LILRA1: variants seen among roughly 807,000 people sequenced by gnomAD.
LILRA1 encodes leukocyte immunoglobulin like receptor A1.
Under a neutral mutation model 51.6 loss-of-function variants are expected in LILRA1, and 51 were observed. The ratio of observed to expected loss-of-function variants is 0.99; its 90% CI spans 0.79 to 1.25. LILRA1 has a LOEUF of 1.25. Among genes scored for constraint, LILRA1 ranks in the 50% most tolerant of loss-of-function variants. The probability of loss-of-function intolerance (pLI) is 0.00; values close to 1 mark genes in which losing one functional copy is unlikely to be tolerated. For synonymous variants in LILRA1, 305 were observed against 248.4 expected, an observed-to-expected ratio of 1.23 and a Z score of -2.14; for missense variants, 660 against 611.7, an observed-to-expected ratio of 1.08 and a Z score of -0.83.
At position 54,595,119 on chromosome 19, in the gene LILRA1, C is replaced by T. The variant is rs559793347; in HGVS notation, c.378C>T (p.Thr126=). Reference sequence around the variant, plus strand: ...TCCTAGGAGCCTACATCAAACCCACCCTCTCAGCTCTACCCAGCCCTGTGG... The same window carrying T: ...TCCTAGGAGCCTACATCAAACCCACTCTCTCAGCTCTACCCAGCCCTGTGG... The part of the protein sequence containing the change: ...LVVTGAYIKP[T]LSALPSPVVT... The change falls in exon 5 of 10, where the codon ACC becomes ACT. Residue 126 remains threonine (T), a synonymous_variant. Transcript: ENST00000251372. The T allele has an allele frequency of 3.4e-5, 55 of 1,613,772 alleles. No homozygotes were observed. The South Asian group carries it at 5.7e-4, about 17-fold the overall frequency.
rs1196132514 is a variant in LILRA1 at position 54,594,849 on chromosome 19, C to A, written c.255C>A (p.Ile85=). 3 of 1,614,156 alleles carry A rather than the reference C, an allele frequency of 1.9e-6. No individual in the cohort carries two copies. Among genetic ancestry groups the A allele is most frequent in the African/African-American group, 2.7e-5 (2 of 75,036 alleles). The change falls in exon 4 of 10, where the codon ATC becomes ATA. Residue 85 remains isoleucine (I), a synonymous_variant. Transcript: ENST00000251372. The part of the protein sequence containing the change: ...QEIVKKGQFP[I]PSITWEHTGR... ...TTGTGAAGAAGGGCCAGTTCCCCAT[C>A]CCATCCATCACCTGGGAACACACAG... is the stretch of plus-strand genomic sequence containing the variant.
chr19:54,596,798 C>T lies in LILRA1; in HGVS notation c.1261+307C>T, dbSNP rs149349172. On this transcript the variant is annotated intron_variant, in intron 7 of 9. Coordinates refer to ENST00000251372, the MANE Select transcript of LILRA1 (RefSeq NM_006863.4). ...AGGAGAATGGCATGAACCTGGGAGG[C>T]GGAGCTTGCCGTGAGCTGATGTCAT... is the stretch of plus-strand genomic sequence containing the variant. 2.3e-3 allele frequency among the ~76,000 whole-genome samples: 354 copies of T among 151,902 alleles called. 6 individuals are homozygous for T. The highest frequency in any genetic ancestry group is 0.017 in the Middle Eastern group (5 of 294).
Position 54,595,693 on chromosome 19 carries a change from G to A in LILRA1, c.716G>A (p.Gly239Glu), listed in dbSNP as rs756844446. ...SVQPGPIVAP[G>E]ESLTLQCVSD... ...CAGCCAGGTCCTATAGTGGCCCCTG[G>A]GGAGAGCCTGACCCTCCAGTGTGTT... The change falls in exon 6 of 10, where the codon GGG (glycine) becomes GAG (glutamate). Residue 239 changes from glycine (G) to glutamate (E), a missense_variant. By Grantham distance (98) the Gly-to-Glu change is moderately conservative (BLOSUM62 -2). Transcript: ENST00000251372. 4 of 1,613,912 alleles carry A rather than the reference G, an allele frequency of 2.5e-6. No individual in the cohort carries two copies. The African/African-American group carries it at 4.0e-5, about 16-fold the overall frequency.
chr19:54,595,873 G>C lies in LILRA1; in HGVS notation c.896G>C (p.Gly299Ala). The stretch of plus-strand genomic sequence containing the variant: ...TACGGGGGCCAGTACAGATGCTCCG[G>C]TGCATACAACCTCTCCTCCGAGTGG... ...RSYGGQYRCSGAYNLSSEWSA... is the reference protein window; with the variant it reads ...RSYGGQYRCSAAYNLSSEWSA... The change falls in exon 6 of 10, where the codon GGT becomes GCT. Residue 299 changes from glycine to alanine, a missense_variant. Gly to Ala is a moderately conservative substitution (Grantham distance 60, BLOSUM62 0). Transcript: ENST00000251372. 6.2e-7 allele frequency: 1 copy of C among 1,614,044 alleles called. No individual in the cohort carries two copies. The highest frequency in any genetic ancestry group is 8.5e-7 in the Non-Finnish European group (1 of 1,179,980).
In LILRA1 at chr19:54,596,327, C is replaced by A. The variant is rs554043948; in HGVS notation, c.1097C>A (p.Pro366His). The change falls in exon 7 of 10, where the codon CCC (proline) becomes CAC (histidine). Residue 366 changes from proline (P) to histidine (H), a missense_variant. By Grantham distance (77) the Pro-to-His change is moderately conservative. Coordinates refer to ENST00000251372, the MANE Select transcript of LILRA1 (RefSeq NM_006863.4). The stretch of plus-strand genomic sequence containing the variant: ...ACCAAGGCGGGAGCAGCTGATGCCC[C>A]CCTCCGTCTCAGATCAATACACGAA... Reference protein sequence around the residue: ...LLTKAGAADAPLRLRSIHEYP... With the variant: ...LLTKAGAADAHLRLRSIHEYP... The A allele has an allele frequency of 6.8e-6, 11 of 1,613,982 alleles. No homozygotes were observed. Among genetic ancestry groups the A allele is most frequent in the African/African-American group, 1.3e-5 (1 of 74,872 alleles).
At position 54,594,901 on chromosome 19, in the gene LILRA1, C is replaced by T. The variant is rs148109850; in HGVS notation, c.307C>T (p.His103Tyr). The part of the protein sequence containing the change: ...TGRYRCFYGS[H>Y]TAGWSEPSDP... ...GCGGTATCGCTGTTTCTACGGTAGC[C>T]ACACTGCAGGCTGGTCAGAGCCCAG... Residue 103 changes from histidine (H) to tyrosine (Y), a missense_variant, in exon 4 of 10, where the codon CAC (histidine) becomes TAC (tyrosine). By Grantham distance (83) the His-to-Tyr change is moderately conservative. Coordinates refer to ENST00000251372, the MANE Select transcript of LILRA1 (RefSeq NM_006863.4). 12 of 1,613,838 alleles carry T rather than the reference C, an allele frequency of 7.4e-6. No homozygotes were observed. The highest frequency in any genetic ancestry group is 1.7e-5 in the Admixed American group (1 of 60,002).
intron 2 of LILRA1, 47 bp from the exon 3 acceptor site, chr19:54,594,394 C>G (rs2062975055): frequency 1.9e-6 from 3 of 1,614,180 alleles, no homozygotes; most frequent in Non-Finnish European, 2.5e-6. Context: ...AGGGGAGGAC[C>G]TGCCCAGGCT....
In LILRA1 at chr19:54,594,664, G is replaced by A; in HGVS notation, c.71-1G>A. Reference sequence around the variant, plus strand: ...GAATCTGAACTCTGATTTCCTTCCAGGGACCCTCCCCAAGCCCACACTCTG... The same window carrying A: ...GAATCTGAACTCTGATTTCCTTCCAAGGACCCTCCCCAAGCCCACACTCTG... On this transcript the variant is annotated splice_acceptor_variant, in intron 3 of 9. Transcript: ENST00000251372. LOFTEE classifies it high-confidence loss of function. The A allele has an allele frequency of 6.2e-7, 1 of 1,612,388 alleles. No homozygotes were observed. The highest frequency in any genetic ancestry group is 8.5e-7 in the Non-Finnish European group (1 of 1,179,198).
intron 7 of LILRA1, among the ~76,000 whole-genome samples, chr19:54,597,157 A>T (rs2063076525): frequency 6.6e-6 from 1 of 152,222 alleles, no homozygotes; most frequent in Non-Finnish European, 1.5e-5. Context: ...CCCATGGGTG[A>T]CAAAAACCCA....
intron 8 of LILRA1, 84 bp downstream of exon 8, chr19:54,599,370 A>AT: frequency 6.9e-7 from 1 of 1,459,410 alleles, no homozygotes; most frequent in Non-Finnish European, 9.2e-7. Flanking sequence ...CTGGGTGGAC[A>AT]TTTTAAAAAA....
At chr19:54,597,740 G>C (rs2063089078) in intron 7 of LILRA1, among the ~76,000 whole-genome samples, 1 of 151,908 alleles carries the variant, frequency 6.6e-6, no homozygotes, top group Non-Finnish European at 1.5e-5. Flanking sequence ...ACCCACACCT[G>C]TAGGGTCCCT....
At chr19:54,596,952 G>A (rs896452818) in intron 7 of LILRA1, among the ~76,000 whole-genome samples, 2 of 152,056 alleles carry the variant, frequency 1.3e-5, no homozygotes, top group African/African-American at 2.4e-5. Context: ...AAATAGACGG[G>A]GCCTCCCACC....
rs533646324 is a variant in LILRA1, at chr19:54,598,707, CT to C, written c.1262-528del. Among the ~76,000 whole-genome samples the C allele has an allele frequency of 1.6e-3, 238 of 152,226 alleles. 1 individual carries two copies. Among genetic ancestry groups the C allele is most frequent in the Non-Finnish European group, 2.6e-3 (180 of 68,014 alleles). ...GTGGCTTTCTCATGAGTACTTATCT[CT>C]CGTTTTAAAAAATGTAAAGGAATCA... On this transcript the variant is annotated intron_variant, in intron 7 of 9. Coordinates refer to ENST00000251372, the MANE Select transcript of LILRA1 (RefSeq NM_006863.4).
chr19:54,598,196 A>C (rs972301114), intron 7 of LILRA1, among the ~76,000 whole-genome samples: 1 of 152,002 alleles, frequency 6.6e-6, no homozygotes, highest in Non-Finnish European at 1.5e-5. Context: ...CCTTTACTAA[A>C]ACTTTTAAAG....
chr19:54,600,874 C>G lies in LILRA1; in HGVS notation c.*57C>G, dbSNP rs144059102. ...GAATGTACCCTTCAGAGTGGTGGAG[C>G]CTTGGGAACAGATCTGATGATGCCA... On this transcript the variant is annotated 3_prime_UTR_variant, in exon 10 of 10. Transcript: ENST00000251372. The G allele has an allele frequency of 5.0e-6, 8 of 1,589,362 alleles. No individual in the cohort carries two copies. Among genetic ancestry groups the G allele is most frequent in the African/African-American group, 1.3e-5 (1 of 74,360 alleles).
At chr19:54,595,548 A>G in intron 5 of LILRA1, 91 bp from the exon 6 acceptor site, 3 of 1,544,164 alleles carry the variant, frequency 1.9e-6, no homozygotes, top group Non-Finnish European at 1.7e-6. Flanking sequence ...AGACACAGGA[A>G]GATCAGCAGT....
chr19:54,595,400 T>C lies in LILRA1; in HGVS notation c.659T>C (p.Leu220Pro), dbSNP rs373854. ...LPSDLLELLV[L>P]GVSKKPSLSV... Reference sequence around the variant, plus strand: ...AGTGATCTCCTGGAGCTCCTGGTCCTAGGTGAGAAATTCACAGCATTGCCT... The same window carrying C: ...AGTGATCTCCTGGAGCTCCTGGTCCCAGGTGAGAAATTCACAGCATTGCCT... Residue 220 changes from leucine to proline, a missense_variant and splice_region_variant, in exon 5 of 10, where the codon CTA becomes CCA. Transcript: ENST00000251372. The C allele has an allele frequency of 0.17, 217,850 of 1,293,294 alleles. 21,379 individuals carry two copies. Among genetic ancestry groups the C allele is most frequent in the African/African-American group, 0.55 (35,866 of 65,048 alleles). The allele number at this position is 1,293,294 out of a possible 1,614,324, so 80.1% of individuals were successfully genotyped here.
chr19:54,597,907 G>C (rs994215049), intron 7 of LILRA1, among the ~76,000 whole-genome samples: 1 of 151,440 alleles, frequency 6.6e-6, no homozygotes, highest in Non-Finnish European at 1.5e-5. Flanking sequence ...AGTCTCAGGG[G>C]TGCCCTGAGC....
rs1205308915 is a variant in LILRA1 at position 54,602,224 on chromosome 19, A to T, written c.*1407A>T. On this transcript the variant is annotated 3_prime_UTR_variant, in exon 10 of 10. Coordinates refer to ENST00000251372, the MANE Select transcript of LILRA1 (RefSeq NM_006863.4). ...CTACCCTCTAGAATAAAGAAATCTT[A>T]TCATTCACCGTCTACCCTCTAGAGT... 1.3e-5 allele frequency: 2 copies of T among 152,134 alleles called. No individual in the cohort carries two copies. Among genetic ancestry groups the T allele is most frequent in the Admixed American group, 1.3e-4 (2 of 15,272 alleles). 9.4% of individuals were successfully genotyped at this position (152,134 alleles called of 1,614,324 possible). A position where few individuals can be genotyped will look rare whatever the true frequency, so the allele number is the denominator to read the frequency against.
Sources: allele counts gnomAD v4.1 joint callset (sites outside exome capture counted in the v4.1 genomes callset), GRCh38; gene constraint gnomAD v4.1.1; transcripts MANE v1.5; gene names NCBI Gene and HGNC (gene_info 2026-07-23, HGNC 2026-07-21).